Variants in DSE observed in about 807,000 individuals in gnomAD.
DSE encodes the protein dermatan-sulfate epimerase.
A neutral mutation model predicts 84.4 loss-of-function variants in DSE; 36 were observed. The ratio of observed to expected loss-of-function variants is 0.43; its 90% CI spans 0.33 to 0.56. DSE has a LOEUF of 0.56. Ranked by LOEUF, DSE falls within the 20% of genes least tolerant of loss-of-function variation. The probability of loss-of-function intolerance (pLI) is 0.06; values close to 1 mark genes in which losing one functional copy is unlikely to be tolerated. For missense variants in DSE, 862 were observed against 1,169.6 expected (o/e 0.74, Z 3.84); for synonymous variants, 410 against 430.1 (o/e 0.95, Z 0.58).
At chr6:116,346,689 A>G (rs1367017924) in intron 2 of DSE, among the ~76,000 whole-genome samples, 1 of 152,196 alleles carries the variant, frequency 6.6e-6, no homozygotes, top group East Asian at 1.9e-4. Context: ...AACTGGAAGC[A>G]TTCCATTTGA....
Position 116,361,682 on chromosome 6 carries a change from T to A in DSE, c.-53-37516T>A, listed in dbSNP as rs1362546635. On this transcript the variant is annotated intron_variant, in intron 2 of 3. Coordinates refer to the DSE transcript ENST00000430252. ...GGAAAGAAAAATTTGTGTGTGTGTG[T>A]ATCTCATAAGCCTCTGGCTGCTCTC... is the stretch of plus-strand genomic sequence containing the variant. Among the ~76,000 whole-genome samples, 3 of 152,304 alleles carry A rather than the reference T, an allele frequency of 2.0e-5. No homozygotes were observed. The South Asian group carries it at 6.2e-4, about 32-fold the overall frequency.
chr6:116,357,099 T>C (rs1159051727), intron 2 of DSE, among the ~76,000 whole-genome samples: 1 of 152,146 alleles, frequency 6.6e-6, no homozygotes, highest in Non-Finnish European at 1.5e-5. Flanking sequence ...TAATAATATT[T>C]CTCCCACCCG....
chr6:116,387,587 G>A (rs990881614), intron 1 of DSE, among the ~76,000 whole-genome samples: 1 of 152,016 alleles, frequency 6.6e-6, no homozygotes, highest in African/African-American at 2.4e-5. Context: ...AGGAAGTGAG[G>A]CATAATGGCT....
chr6:116,303,585 T>A (rs1159898432), intron 2 of DSE, among the ~76,000 whole-genome samples: 2 of 152,128 alleles, frequency 1.3e-5, no homozygotes. Context: ...GCTAACATGA[T>A]TTCTTTTTCC....
At chr6:116,388,994 G>A (rs1780731344) in intron 1 of DSE, among the ~76,000 whole-genome samples, 1 of 152,182 alleles carries the variant, frequency 6.6e-6, no homozygotes, top group Non-Finnish European at 1.5e-5. Context: ...CTGCAAGGTT[G>A]AGAATAAACA....
chr6:116,319,024 G>A (rs972188720), intron 2 of DSE, among the ~76,000 whole-genome samples: 1 of 152,162 alleles, frequency 6.6e-6, no homozygotes, highest in Admixed American at 6.5e-5. Context: ...TCTAGAAATT[G>A]AGGGGAATAG....
rs146728733 is a variant in DSE, at chr6:116,436,039, G to A, written c.1571G>A (p.Arg524Lys). The change falls in exon 6 of 6, where the codon AGG becomes AAG. Residue 524 changes from arginine (R) to lysine (K), a missense_variant. Around this residue, in one of 4 missense-constraint regions of DSE, gnomAD observed 186 missense variants for 255.1 expected, o/e 0.73. Coordinates refer to ENST00000644252, the MANE Select transcript of DSE (RefSeq NM_013352.4). ...KHDLAASCQG[R>K]VVAAEEKNGV... ...GACCTGGCAGCTAGTTGTCAGGGGA[G>A]GGTGGTTGCAGCAGAGGAGAAAAAT... 4.3e-6 allele frequency: 7 copies of A among 1,614,140 alleles called. No individual in the cohort carries two copies. The African/African-American group carries it at 9.3e-5, about 22-fold the overall frequency.
intron 2 of DSE, among the ~76,000 whole-genome samples, chr6:116,276,009 C>CT (rs1773125399): frequency 6.6e-6 from 1 of 152,140 alleles, no homozygotes; most frequent in African/African-American, 2.4e-5. Flanking sequence ...AGGGAATGGA[C>CT]TTTATCTTCT....
rs1030837692 is a variant in DSE at position 116,444,256 on chromosome 6, C to G, written c.*6911C>G. 4.6e-5 allele frequency: 7 copies of G among 152,164 alleles called. No individual in the cohort carries two copies. The highest frequency in any genetic ancestry group is 7.4e-5 in the Non-Finnish European group (5 of 68,026). The allele number at this position is 152,164 out of a possible 1,614,324, so 9.4% of individuals were successfully genotyped here. On this transcript the variant is annotated 3_prime_UTR_variant, in exon 6 of 6. Transcript: ENST00000644252. The stretch of plus-strand genomic sequence containing the variant: ...GTTGAAATATCAATTGCAATAACAA[C>G]TGAAAACTGATTGCTATTACTGAAC...
At chr6:116,392,441 T>G (rs1780969200) in intron 1 of DSE, among the ~76,000 whole-genome samples, 2 of 152,168 alleles carry the variant, frequency 1.3e-5, no homozygotes, top group Admixed American at 6.5e-5. Flanking sequence ...TGTGGGGGAT[T>G]ATTCCTAATC....
At chr6:116,269,302 C>A (rs911470638) in intron 2 of DSE, among the ~76,000 whole-genome samples, 1 of 151,990 alleles carries the variant, frequency 6.6e-6, no homozygotes, top group Non-Finnish European at 1.5e-5. Context: ...AATGAGATAT[C>A]TGTGAAGTGT....
At chr6:116,281,264 T>C (rs1013430409) in intron 2 of DSE, among the ~76,000 whole-genome samples, 36 of 152,204 alleles carry the variant, frequency 2.4e-4, no homozygotes, top group South Asian at 8.3e-4. Context: ...TCTAGAAGCT[T>C]GAAAGGTAAG....
At chr6:116,384,561 A>C (rs1583143532) in intron 1 of DSE, among the ~76,000 whole-genome samples, 1 of 152,216 alleles carries the variant, frequency 6.6e-6, no homozygotes. Context: ...AATCACTCAG[A>C]GTAACCTTTA....
Position 116,436,827 on chromosome 6 carries a change from G to C in DSE, c.2359G>C (p.Glu787Gln), listed in dbSNP as rs748671649. Reference protein sequence around the residue: ...LLRFSDKRQTEEAIDRIFAIS... With the variant: ...LLRFSDKRQTQEAIDRIFAIS... ...GAGATTTTCAGATAAGAGACAGACT[G>C]AGGAGGCCATTGACAGGATTTTTGC... Residue 787 changes from glutamate to glutamine, a missense_variant, in exon 6 of 6, where the codon GAG (glutamate) becomes CAG (glutamine). By Grantham distance (29) the Glu-to-Gln change is conservative. Coordinates refer to ENST00000644252, the MANE Select transcript of DSE (RefSeq NM_013352.4). 3.7e-6 allele frequency: 6 copies of C among 1,614,160 alleles called. No individual in the cohort carries two copies. Among genetic ancestry groups the C allele is most frequent in the Admixed American group, 1.7e-5 (1 of 60,022 alleles).
chr6:116,364,298 A>G (rs140727477), intron 2 of DSE, among the ~76,000 whole-genome samples: 43 of 152,374 alleles, frequency 2.8e-4, no homozygotes, highest in African/African-American at 8.9e-4. Flanking sequence ...TCAAAAATGA[A>G]AGAAAACATG....
intron 2 of DSE, among the ~76,000 whole-genome samples, chr6:116,401,852 A>C (rs1232538169): frequency 2.0e-5 from 3 of 151,980 alleles, no homozygotes; most frequent in Admixed American, 6.6e-5. Context: ...CCTATATTTG[A>C]TTTCAGAAAA....
rs1781474400 is a variant in DSE, at chr6:116,399,610, T to G, written c.360T>G (p.Ile120Met). The G allele has an allele frequency of 6.2e-7, 1 of 1,614,104 alleles. No individual in the cohort carries two copies. The highest frequency in any genetic ancestry group is 1.3e-5 in the African/African-American group (1 of 74,946). Residue 120 changes from isoleucine (I) to methionine (M), a missense_variant, in exon 2 of 6, where the codon ATT (isoleucine) becomes ATG (methionine). By Grantham distance (10) the Ile-to-Met change is conservative. Around this residue, in one of 4 missense-constraint regions of DSE, gnomAD observed 309 missense variants for 516.9 expected, o/e 0.60. Coordinates refer to ENST00000644252, the MANE Select transcript of DSE (RefSeq NM_013352.4). ...TCTGTGTGCTGTATCCTGAGAACAT[T>G]GAAGCCCGAGACATGGCCAAAGACT... The part of the protein sequence containing the change: ...AMFCVLYPEN[I>M]EARDMAKDYM...
chr6:116,401,923 T>TA (rs35815516), intron 2 of DSE, among the ~76,000 whole-genome samples: 108,294 of 148,198 alleles, frequency 0.73, 39,605 homozygotes, highest in Admixed American at 0.78. Context: ...ATTATGAAAG[T>TA]AAAAAAAAAA....
chr6:116,261,408 G>A (rs1333893020), intron 2 of DSE, among the ~76,000 whole-genome samples: 2 of 151,932 alleles, frequency 1.3e-5, no homozygotes, highest in East Asian at 1.9e-4. Context: ...TCCTGATTTG[G>A]CCCTCAGCTT....
Sources: allele counts gnomAD v4.1 joint callset (sites outside exome capture counted in the v4.1 genomes callset), GRCh38; gene constraint gnomAD v4.1.1; regional missense constraint gnomAD v4.1.1; transcripts MANE v1.5; gene names NCBI Gene and HGNC (gene_info 2026-07-23, HGNC 2026-07-21).